The following ALDH18A1 variants were observed in gnomAD, a reference collection of about 807,000 sequenced individuals.
The protein encoded by ALDH18A1 is delta-1-pyrroline-5-carboxylate synthase.
A neutral mutation model predicts 88.8 loss-of-function variants in ALDH18A1; 44 were observed. That is an observed-to-expected ratio of 0.50 (90% CI 0.39 to 0.64). ALDH18A1 has a LOEUF of 0.64. Among genes scored for constraint, ALDH18A1 ranks in the 30% least tolerant of loss-of-function variants. ALDH18A1 has a pLI of 0.00. For missense variants in ALDH18A1, 782 were observed against 1,009.5 expected (o/e 0.77, Z 3.05); for synonymous variants, 331 against 372.1 (o/e 0.89, Z 1.27).
intron 2 of ALDH18A1, among the ~76,000 whole-genome samples, chr10:95,645,277 T>A (rs576037122): frequency 6.6e-6 from 1 of 152,326 alleles, no homozygotes; most frequent in African/African-American, 2.4e-5. Flanking sequence ...AAGCAACTCA[T>A]AAATATTTGA....
At chr10:95,656,077 G>C (rs2097917570) in intron 1 of ALDH18A1, among the ~76,000 whole-genome samples, 1 of 152,168 alleles carries the variant, frequency 6.6e-6, no homozygotes. Context: ...TGCAAAGGGA[G>C]TCTGGCTTTG....
chr10:95,613,377 G>C (rs1388414436), intron 15 of ALDH18A1, among the ~76,000 whole-genome samples: 1 of 152,106 alleles, frequency 6.6e-6, no homozygotes, highest in Non-Finnish European at 1.5e-5. Flanking sequence ...GGTTTGAAAC[G>C]TTTCTGCACC....
At chr10:95,633,693 G>T (rs2097875055) in intron 5 of ALDH18A1, 44 bp from the exon 6 acceptor site, 1 of 1,603,450 alleles carries the variant, frequency 6.2e-7, no homozygotes, top group Non-Finnish European at 8.5e-7. Flanking sequence ...GGAGAAAAAC[G>T]CTAAACTTCC....
chr10:95,627,760 C>A (rs2097862518), intron 8 of ALDH18A1, among the ~76,000 whole-genome samples, 174 bp from the exon 9 acceptor site: 1 of 152,244 alleles, frequency 6.6e-6, no homozygotes, highest in African/African-American at 2.4e-5. Flanking sequence ...CACTTTCCAG[C>A]TCAACCTTGG....
chr10:95,607,014 CCTG>C, intron 17 of ALDH18A1, 71 bp from the exon 18 acceptor site: 1 of 1,500,824 alleles, frequency 6.7e-7, no homozygotes, highest in African/African-American at 1.4e-5. Context: ...CCAGACCCAC[CCTG>C]CTGCTTTCCC....
chr10:95,611,992 A>C (rs1171898236), intron 15 of ALDH18A1, among the ~76,000 whole-genome samples: 1 of 152,078 alleles, frequency 6.6e-6, no homozygotes, highest in Non-Finnish European at 1.5e-5. Context: ...AAGAATAAAA[A>C]AGAATGTGCA....
At position 95,611,973 on chromosome 10, in the gene ALDH18A1, G is replaced by GAA. The variant is rs36116345; in HGVS notation, c.1924-533_1924-532dup. Among the ~76,000 whole-genome samples the GAA allele has an allele frequency of 3.1e-3, 459 of 148,386 alleles. 2 individuals are homozygous for GAA. Among genetic ancestry groups the GAA allele is most frequent in the African/African-American group, 0.01 (423 of 40,300 alleles). On this transcript the variant is annotated intron_variant, in intron 15 of 17. Coordinates refer to ENST00000371224, the MANE Select transcript of ALDH18A1 (RefSeq NM_002860.4). ...GCACAGAGCAAGACTCCGTCTCAAA[G>GAA]AAAAAAAAAAGAATAAAAAAGAATG...
chr10:95,646,397 C>A (rs1249710076), intron 2 of ALDH18A1, among the ~76,000 whole-genome samples: 1 of 152,108 alleles, frequency 6.6e-6, no homozygotes, highest in African/African-American at 2.4e-5. Context: ...GTCATTCTGG[C>A]TGGAGACAAT....
chr10:95,643,302 CAAAA>C, intron 2 of ALDH18A1, 96 bp from the exon 3 acceptor site: 1 of 1,158,302 alleles, frequency 8.6e-7, no homozygotes, highest in Non-Finnish European at 1.3e-6. Flanking sequence ...GTTTAGATAC[CAAAA>C]AATAGCATTA....
Position 95,609,788 on chromosome 10 carries a change from G to T in ALDH18A1, c.2206+409C>A, listed in dbSNP as rs374673604. ...GTCTCTATTTTTTTTTTTTTTTTGA[G>T]ATGGTGTCTCACTCTGTCCTCCAGG... is the stretch of plus-strand genomic sequence containing the variant. On this transcript the variant is annotated intron_variant, in intron 17 of 17. Transcript: ENST00000371224. Among the ~76,000 whole-genome samples, 3 of 7,324 alleles carry T rather than the reference G, an allele frequency of 4.1e-4. 1 individual carries two copies. The allele number at this position is 7,324 out of a possible 152,430, so 4.8% of individuals were successfully genotyped here.
Position 95,610,237 on chromosome 10 carries a change from A to T in ALDH18A1, c.2166T>A (p.Asn722Lys). The change falls in exon 17 of 18, where the codon AAT becomes AAA. Residue 722 changes from asparagine (N) to lysine (K), a missense_variant. Asn to Lys is a moderately conservative substitution (Grantham distance 94). Coordinates refer to ENST00000371224, the MANE Select transcript of ALDH18A1 (RefSeq NM_002860.4). ...QHVDSACVFW[N>K]ASTRFSDGYR... ...AACCATCAGAAAAGCGAGTGCTGGC[A>T]TTCCAGAACACACAGGCACTGTCTA... 1 of 1,614,108 alleles carries T rather than the reference A, an allele frequency of 6.2e-7. No homozygotes were observed. The highest frequency in any genetic ancestry group is 8.5e-7 in the Non-Finnish European group (1 of 1,179,984).
chr10:95,606,760 T>C lies in ALDH18A1; in HGVS notation c.*2A>G. The stretch of plus-strand genomic sequence containing the variant: ...AAAATTCCCGGGTTTTCCTGGCTCT[T>C]TTCAGTTGGTGTTTCTCTGAGGAAT... On this transcript the variant is annotated 3_prime_UTR_variant, in exon 18 of 18. Transcript: ENST00000371224. 1.9e-6 allele frequency: 3 copies of C among 1,614,140 alleles called. No individual in the cohort carries two copies. The highest frequency in any genetic ancestry group is 2.5e-6 in the Non-Finnish European group (3 of 1,180,008).
intron 5 of ALDH18A1, among the ~76,000 whole-genome samples, chr10:95,636,817 T>C (rs1258208903): frequency 2.0e-5 from 3 of 152,198 alleles, no homozygotes; most frequent in Admixed American, 6.5e-5. Flanking sequence ...GAACTGATAT[T>C]TACTGACAAT....
At chr10:95,654,019 A>C (rs1285198395) in intron 1 of ALDH18A1, among the ~76,000 whole-genome samples, 1 of 152,196 alleles carries the variant, frequency 6.6e-6, no homozygotes, top group African/African-American at 2.4e-5. Flanking sequence ...TATGGCTACA[A>C]ATCTCGGTTG....
intron 7 of ALDH18A1, among the ~76,000 whole-genome samples, chr10:95,631,280 C>T (rs2097868861): frequency 6.6e-6 from 1 of 152,106 alleles, no homozygotes; most frequent in Non-Finnish European, 1.5e-5. Context: ...ATAGCCTAGA[C>T]TTCTACAGTG....
chr10:95,610,255 A>T lies in ALDH18A1; in HGVS notation c.2148T>A (p.Ser716Arg). ...TGCTGGCATTCCAGAACACACAGGC[A>T]CTGTCTACGTGCTGCAGGAAGAACT... ...TAEFFLQHVD[S>R]ACVFWNASTR... Residue 716 changes from serine (S) to arginine (R), a missense_variant, in exon 17 of 18, where the codon AGT becomes AGA. Ser to Arg is a moderately radical substitution (Grantham distance 110). Coordinates refer to ENST00000371224, the MANE Select transcript of ALDH18A1 (RefSeq NM_002860.4). The T allele has an allele frequency of 6.2e-7, 1 of 1,614,142 alleles. No individual in the cohort carries two copies. Among genetic ancestry groups the T allele is most frequent in the Non-Finnish European group, 8.5e-7 (1 of 1,179,982 alleles).
At chr10:95,653,119 T>C (rs1051497927) in intron 2 of ALDH18A1, among the ~76,000 whole-genome samples, 171 bp downstream of exon 2, 12 of 151,476 alleles carry the variant, frequency 7.9e-5, no homozygotes, top group Non-Finnish European at 1.5e-4. Flanking sequence ...GTCCAAGAGG[T>C]CTGGACTGCA....
chr10:95,638,985 AC>A (rs2097886351), intron 3 of ALDH18A1, among the ~76,000 whole-genome samples: 1 of 151,906 alleles, frequency 6.6e-6, no homozygotes, highest in South Asian at 2.1e-4. Flanking sequence ...CAACCCCCTG[AC>A]CTCAGCCCCT....
intron 7 of ALDH18A1, among the ~76,000 whole-genome samples, chr10:95,630,618 G>A (rs1444627689): frequency 6.6e-6 from 1 of 152,090 alleles, no homozygotes; most frequent in Non-Finnish European, 1.5e-5. Flanking sequence ...GGGTGAGACA[G>A]GAGAATCGCT....
Sources: allele counts gnomAD v4.1 joint callset (sites outside exome capture counted in the v4.1 genomes callset), GRCh38; gene constraint gnomAD v4.1.1; transcripts MANE v1.5; gene names NCBI Gene and HGNC (gene_info 2026-07-23, HGNC 2026-07-21).